SWAP70: variants seen among roughly 807,000 people sequenced by gnomAD.
SWAP70 encodes the protein switching B cell complex subunit SWAP70.
Under a neutral mutation model 80.2 loss-of-function variants are expected in SWAP70, and 34 were observed. The ratio of observed to expected loss-of-function variants is 0.42; its 90% confidence interval spans 0.32 to 0.56. The LOEUF is 0.56. SWAP70 is among the 20% of genes least tolerant of loss of function. The pLI, the probability that SWAP70 is intolerant of heterozygous loss-of-function variation, is 0.09. For synonymous variants in SWAP70, 239 were observed against 238.5 expected, an observed-to-expected ratio of 1.00 and a Z score of -0.02; for missense variants, 578 against 690.7, an observed-to-expected ratio of 0.84 and a Z score of 1.83.
chr11:9,702,225 G>C (rs1850842219), intron 2 of SWAP70, among the ~76,000 whole-genome samples: 1 of 151,948 alleles, frequency 6.6e-6, no homozygotes, highest in Non-Finnish European at 1.5e-5. Context: ...TTCTGTTAAT[G>C]AAATGACTCC....
At chr11:9,717,019 C>T (rs1411697859) in intron 3 of SWAP70, among the ~76,000 whole-genome samples, 2 of 152,140 alleles carry the variant, frequency 1.3e-5, no homozygotes, top group Non-Finnish European at 2.9e-5. Flanking sequence ...TAGTTACTGG[C>T]ATTAGATGCT....
rs540208242 is a variant in SWAP70 at position 9,684,595 on chromosome 11, C to G, written c.100-9551C>G. 9.9e-5 allele frequency among the ~76,000 whole-genome samples: 15 copies of G among 152,246 alleles called. No individual in the cohort carries two copies. In the South Asian group the frequency reaches 3.1e-3, roughly 32 times the overall value. On this transcript the variant is annotated intron_variant, in intron 1 of 11. Coordinates refer to ENST00000318950, the MANE Select transcript of SWAP70 (RefSeq NM_015055.4). ...TTGAATTTTAAGAAACTGGACTTCT[C>G]TACTAGATCTCAGGCCAGACGAGTT...
chr11:9,685,464 G>T (rs1850619245), intron 1 of SWAP70, among the ~76,000 whole-genome samples: 1 of 152,106 alleles, frequency 6.6e-6, no homozygotes, highest in African/African-American at 2.4e-5. Context: ...TGAGTGTCTG[G>T]TGATGGCTTG....
In SWAP70 at chr11:9,723,097, G is replaced by T. The variant is rs1363297480; in HGVS notation, c.415-1561G>T. Among the ~76,000 whole-genome samples, 3 of 152,102 alleles carry T rather than the reference G, an allele frequency of 2.0e-5. No homozygotes were observed. The East Asian group carries it at 5.8e-4, about 29-fold the overall frequency. ...TGAGGTGATAGGGAGCCAGGGCAGG[G>T]CTTAAAGAGGGGAGGGTCAGGCTCT... On this transcript the variant is annotated intron_variant, in intron 3 of 11. Transcript: ENST00000318950.
intron 2 of SWAP70, among the ~76,000 whole-genome samples, chr11:9,697,594 T>C (rs1347396595): frequency 6.6e-6 from 1 of 152,198 alleles, no homozygotes; most frequent in African/African-American, 2.4e-5. Flanking sequence ...GGATTCTTTT[T>C]AGAAACCACG....
chr11:9,735,632 G>A (rs1179750249), intron 7 of SWAP70, among the ~76,000 whole-genome samples: 1 of 152,198 alleles, frequency 6.6e-6, no homozygotes, highest in Non-Finnish European at 1.5e-5. Context: ...AAGAAAAAGT[G>A]TTCTAGGGTT....
intron 1 of SWAP70, among the ~76,000 whole-genome samples, chr11:9,683,349 G>T (rs1487029106): frequency 2.0e-5 from 3 of 151,982 alleles, no homozygotes; most frequent in Admixed American, 2.0e-4. Context: ...CCAGGAGGTC[G>T]AGCCTGTGGT....
At chr11:9,737,709 A>C (rs1851381578) in intron 7 of SWAP70, among the ~76,000 whole-genome samples, 2 of 152,216 alleles carry the variant, frequency 1.3e-5, no homozygotes, top group South Asian at 4.1e-4. Context: ...TATCCTGGCC[A>C]ACATGATGAA....
intron 2 of SWAP70, among the ~76,000 whole-genome samples, chr11:9,709,404 T>C (rs1850966043): frequency 6.6e-6 from 1 of 152,238 alleles, no homozygotes; most frequent in Admixed American, 6.5e-5. Flanking sequence ...ATTGGAATTA[T>C]AGGCCTGAGC....
At chr11:9,695,806 T>C (rs1350472744) in intron 2 of SWAP70, among the ~76,000 whole-genome samples, 1 of 152,110 alleles carries the variant, frequency 6.6e-6, no homozygotes, top group African/African-American at 2.4e-5. Flanking sequence ...TGGCAATAGT[T>C]GTTTTTTTTG....
chr11:9,726,401 T>C (rs1851226006), intron 4 of SWAP70, among the ~76,000 whole-genome samples: 1 of 152,118 alleles, frequency 6.6e-6, no homozygotes, highest in Non-Finnish European at 1.5e-5. Context: ...GTCTTTGTTC[T>C]TTTTTTTCCT....
intron 1 of SWAP70, among the ~76,000 whole-genome samples, chr11:9,686,950 A>G (rs963554435): frequency 2.6e-5 from 4 of 152,174 alleles, no homozygotes; most frequent in African/African-American, 9.7e-5. Flanking sequence ...GCAGTGTTGG[A>G]TATTGGTAGT....
chr11:9,687,147 G>A (rs528532958), intron 1 of SWAP70, among the ~76,000 whole-genome samples: 6 of 152,200 alleles, frequency 3.9e-5, no homozygotes, highest in Admixed American at 1.3e-4. Flanking sequence ...ACGCAATTCC[G>A]TGTAGAAATA....
chr11:9,675,388 A>C lies in SWAP70; in HGVS notation c.99+11110A>C, dbSNP rs1452877161. ...GAGAGAGAGAGAGAGAGAGAGAGAG[A>C]GAGAGAGAGAGAGAGAGAGAGAGAG... On this transcript the variant is annotated intron_variant, in intron 1 of 11. Transcript: ENST00000318950. Among the ~76,000 whole-genome samples the C allele has an allele frequency of 9.7e-4, 118 of 121,480 alleles. 5 individuals carry two copies. Among genetic ancestry groups the C allele is most frequent in the Middle Eastern group, 4.0e-3 (1 of 250 alleles). 79.7% of individuals were successfully genotyped at this position (121,480 alleles called of 152,430 possible).
intron 3 of SWAP70, among the ~76,000 whole-genome samples, chr11:9,724,381 C>G (rs1405915430): frequency 6.6e-6 from 1 of 152,188 alleles, no homozygotes; most frequent in Admixed American, 6.5e-5. Context: ...TGTATGCTGT[C>G]ATATATCTGC....
intron 9 of SWAP70, among the ~76,000 whole-genome samples, chr11:9,743,407 A>T (rs561522952): frequency 1.3e-3 from 192 of 152,134 alleles, no homozygotes; most frequent in African/African-American, 4.2e-3. Flanking sequence ...TCCTTTGGGT[A>T]TATACCCAGT....
intron 1 of SWAP70, among the ~76,000 whole-genome samples, chr11:9,670,726 G>C (rs1850365293): frequency 6.6e-6 from 1 of 151,868 alleles, no homozygotes; most frequent in Non-Finnish European, 1.5e-5. Flanking sequence ...ACCTTTGAGA[G>C]TTAATTTTTT....
intron 1 of SWAP70, among the ~76,000 whole-genome samples, chr11:9,677,204 T>C (rs1420449944): frequency 6.6e-6 from 1 of 152,144 alleles, no homozygotes; most frequent in Non-Finnish European, 1.5e-5. Context: ...GGGCATCTTA[T>C]TTGAAGTAGA....
chr11:9,680,209 A>T (rs1194954981), intron 1 of SWAP70, among the ~76,000 whole-genome samples: 1 of 152,202 alleles, frequency 6.6e-6, no homozygotes, highest in East Asian at 1.9e-4. Context: ...AATACATGAA[A>T]TGACCACAAT....
Sources: allele counts gnomAD v4.1 joint callset (sites outside exome capture counted in the v4.1 genomes callset), GRCh38; gene constraint gnomAD v4.1.1; transcripts MANE v1.5; gene names NCBI Gene and HGNC (gene_info 2026-07-23, HGNC 2026-07-21).